EPS15: variants seen among roughly 807,000 people sequenced by gnomAD.
EPS15 encodes the protein epidermal growth factor receptor substrate 15.
EPS15 carries 72 observed loss-of-function variants against 113.8 expected under a neutral mutation model. That is an observed-to-expected ratio of 0.63 (90% confidence interval 0.52 to 0.77). The LOEUF is 0.77. EPS15 is among the 30% of genes least tolerant of loss of function. EPS15 has a pLI of 0.00. For missense variants in EPS15, 1,048 were observed against 1,045.8 expected, an observed-to-expected ratio of 1.00 and a Z score of -0.03; for synonymous variants, 344 against 363.4, an observed-to-expected ratio of 0.95 and a Z score of 0.61.
chr1:51,460,872 T>C (rs940450118), intron 8 of EPS15: 1 of 407,824 alleles, frequency 2.5e-6, no homozygotes, highest in East Asian at 5.1e-5. Flanking sequence ...GAGAATTACT[T>C]GAACCTGGGA....
chr1:51,475,872 C>T (rs374917322), intron 2 of EPS15, among the ~76,000 whole-genome samples: 21 of 152,126 alleles, frequency 1.4e-4, no homozygotes, highest in African/African-American at 4.1e-4. Context: ...GTGTAAGGAA[C>T]GGATCCAGTT....
intron 1 of EPS15, among the ~76,000 whole-genome samples, chr1:51,510,914 C>T (rs1465665363): frequency 6.6e-6 from 1 of 152,130 alleles, no homozygotes; most frequent in Non-Finnish European, 1.5e-5. Context: ...CCTGTAATCC[C>T]AAGCAATTTG....
Position 51,355,093 on chromosome 1 carries a change from A to G in EPS15, c.*1607T>C, listed in dbSNP as rs1283782796. The G allele has an allele frequency of 4.5e-6, 1 of 220,698 alleles. No homozygotes were observed. Among genetic ancestry groups the G allele is most frequent in the Non-Finnish European group, 9.1e-6 (1 of 109,982 alleles). 13.7% of individuals were successfully genotyped at this position (220,698 alleles called of 1,614,324 possible). ...ATGATTCAGCCCTTGCTTCATATGT[A>G]TGACTTTTATGCAGAAATGTTTCTA... On this transcript the variant is annotated 3_prime_UTR_variant, in exon 25 of 25. Transcript: ENST00000371733.
Position 51,468,555 on chromosome 1 carries a change from G to A in EPS15, c.227C>T (p.Ala76Val). 3 of 1,611,974 alleles carry A rather than the reference G, an allele frequency of 1.9e-6. No individual in the cohort carries two copies. Among genetic ancestry groups the A allele is most frequent in the Non-Finnish European group, 2.5e-6 (3 of 1,178,616 alleles). ...CTGGGCACATGCCACAAGACGCAAA[G>A]CAACAAAGAATTCCTAAGAAAGAAA... The part of the protein sequence containing the change: ...GILNKQEFFV[A>V]LRLVACAQNG... Residue 76 changes from alanine (A) to valine (V), a missense_variant, in exon 5 of 25, where the codon GCT becomes GTT. Physicochemically the swap from Ala to Val is moderately conservative, Grantham distance 64. Coordinates refer to ENST00000371733, the MANE Select transcript of EPS15 (RefSeq NM_001981.3).
Position 51,403,491 on chromosome 1 carries a change from A to G in EPS15, c.1719T>C (p.Asp573=), listed in dbSNP as rs1648785574. ...TAACAGCTGTAGTCACCTCATTTTCATCAGTCACACCAGAAGGCAGTAGTT... is the reference window on the plus strand; with the variant it reads ...TAACAGCTGTAGTCACCTCATTTTCGTCAGTCACACCAGAAGGCAGTAGTT... The part of the protein sequence containing the change: ...SPELLPSGVT[D]ENEVTTAVTE... Residue 573 remains aspartate (D), a synonymous_variant, in exon 17 of 25, where the codon GAT becomes GAC. Transcript: ENST00000371733. 1 of 1,609,738 alleles carries G rather than the reference A, an allele frequency of 6.2e-7. No homozygotes were observed. Among genetic ancestry groups the G allele is most frequent in the East Asian group, 2.2e-5 (1 of 44,620 alleles).
chr1:51,385,593 A>C (rs978156616), intron 21 of EPS15, among the ~76,000 whole-genome samples: 2 of 152,242 alleles, frequency 1.3e-5, no homozygotes, highest in African/African-American at 2.4e-5. Context: ...GGACTCAGAT[A>C]TCTGTACCCT....
chr1:51,518,212 GCTT>G (rs1644761806), intron 1 of EPS15: 2 of 152,480 alleles, frequency 1.3e-5, no homozygotes, highest in South Asian at 4.1e-4. Context: ...ATTGTAATTG[GCTT>G]CTTTACAGAG....
At chr1:51,514,496 C>A (rs1411082062) in intron 1 of EPS15, among the ~76,000 whole-genome samples, 1 of 152,058 alleles carries the variant, frequency 6.6e-6, no homozygotes, top group Non-Finnish European at 1.5e-5. Flanking sequence ...TTTATTAAGC[C>A]CCAAACTCAC....
At chr1:51,453,269 G>A (rs1180543331) in intron 8 of EPS15, among the ~76,000 whole-genome samples, 1 of 152,102 alleles carries the variant, frequency 6.6e-6, no homozygotes. Flanking sequence ...AAAAAGCAAC[G>A]TTAGCCATCT....
intron 1 of EPS15, among the ~76,000 whole-genome samples, chr1:51,493,836 A>T (rs1314518243): frequency 6.6e-6 from 1 of 151,816 alleles, no homozygotes; most frequent in Non-Finnish European, 1.5e-5. Context: ...GCTGGTCATG[A>T]ACTCCTGACC....
intron 21 of EPS15, among the ~76,000 whole-genome samples, chr1:51,387,775 C>T (rs1200716301): frequency 6.6e-6 from 1 of 151,934 alleles, no homozygotes; most frequent in African/African-American, 2.4e-5. Flanking sequence ...GCTAACTATC[C>T]TAAGTATATA....
At chr1:51,507,713 C>T (rs1356416981) in intron 1 of EPS15, among the ~76,000 whole-genome samples, 2 of 151,110 alleles carry the variant, frequency 1.3e-5, no homozygotes, top group East Asian at 3.9e-4. Flanking sequence ...TATATATACA[C>T]ACATATATAT....
intron 11 of EPS15, among the ~76,000 whole-genome samples, chr1:51,442,708 C>T (rs1005043992): frequency 3.9e-5 from 6 of 152,064 alleles, no homozygotes; most frequent in African/African-American, 7.2e-5. Context: ...CAAAAGCATG[C>T]TGTTTAGGAA....
At chr1:51,371,353 C>A (rs1375992451) in intron 21 of EPS15, among the ~76,000 whole-genome samples, 1 of 152,124 alleles carries the variant, frequency 6.6e-6, no homozygotes, top group African/African-American at 2.4e-5. Context: ...TGTTTGACTG[C>A]CCCCAAAGAC....
At chr1:51,413,339 C>G (rs1325463197) in intron 13 of EPS15, among the ~76,000 whole-genome samples, 1 of 152,212 alleles carries the variant, frequency 6.6e-6, no homozygotes, top group Non-Finnish European at 1.5e-5. Flanking sequence ...TAGCTAACCT[C>G]TAAATTACAA....
chr1:51,429,463 T>C (rs560671815), intron 12 of EPS15, among the ~76,000 whole-genome samples: 1 of 152,152 alleles, frequency 6.6e-6, no homozygotes, highest in African/African-American at 2.4e-5. Flanking sequence ...ATGTTATGTA[T>C]ATTTTATGAT....
chr1:51,417,695 G>A (rs555840764), intron 13 of EPS15, among the ~76,000 whole-genome samples: 93 of 152,308 alleles, frequency 6.1e-4, no homozygotes, highest in Admixed American at 2.6e-3. Context: ...TAAGACAAGC[G>A]GTGGGATATG....
chr1:51,511,973 A>G (rs1157684306), intron 1 of EPS15, among the ~76,000 whole-genome samples: 1 of 152,248 alleles, frequency 6.6e-6, no homozygotes, highest in Non-Finnish European at 1.5e-5. Flanking sequence ...CCACATAAAA[A>G]CAAGTTTTAA....
chr1:51,406,058 C>T lies in EPS15; in HGVS notation c.1524G>A (p.Gln508=). Reference sequence around the variant, plus strand: ...TGTGTGGGCTACTGCACCAATTTAACTGACTATTATGATTTTCCAAATCTT... The same window carrying T: ...TGTGTGGGCTACTGCACCAATTTAATTGACTATTATGATTTTCCAAATCTT... The part of the protein sequence containing the change: ...EMKDLENHNS[Q]LNWCSSPHSI... The change falls in exon 16 of 25, where the codon CAG becomes CAA. Residue 508 remains glutamine (Q), a synonymous_variant. Transcript: ENST00000371733. The T allele has an allele frequency of 6.2e-7, 1 of 1,614,136 alleles. No individual in the cohort carries two copies. Among genetic ancestry groups the T allele is most frequent in the Non-Finnish European group, 8.5e-7 (1 of 1,180,020 alleles).
Sources: allele counts gnomAD v4.1 joint callset (sites outside exome capture counted in the v4.1 genomes callset), GRCh38; gene constraint gnomAD v4.1.1; transcripts MANE v1.5; gene names NCBI Gene and HGNC (gene_info 2026-07-23, HGNC 2026-07-21).